CNTN3: variants seen among roughly 807,000 people sequenced by gnomAD.
CNTN3 encodes contactin-3.
In CNTN3, 60 loss-of-function variants were observed where a neutral mutation model predicts 119.1. The ratio of observed to expected loss-of-function variants is 0.50; its 90% CI spans 0.41 to 0.62. CNTN3 has a LOEUF of 0.62. Among genes scored for constraint, CNTN3 ranks in the 20% least tolerant of loss-of-function variants. The probability of loss-of-function intolerance (pLI) is 0.00; values close to 1 mark genes in which losing one functional copy is unlikely to be tolerated. For missense variants in CNTN3, 1,101 were observed against 1,242.4 expected (o/e 0.89, Z 1.71); for synonymous variants, 450 against 438.7 (o/e 1.03, Z -0.32).
intron 1 of CNTN3, among the ~76,000 whole-genome samples, chr3:74,561,331 C>T (rs1704150615): frequency 6.6e-6 from 1 of 152,098 alleles, no homozygotes; most frequent in Non-Finnish European, 1.5e-5. Flanking sequence ...GCTTAAATGT[C>T]TTCAATGGTT....
chr3:74,525,189 T>C (rs939213314), intron 1 of CNTN3, among the ~76,000 whole-genome samples: 10 of 151,834 alleles, frequency 6.6e-5, no homozygotes, highest in African/African-American at 1.9e-4. Context: ...CACCCACAAA[T>C]TCGTAGAAAT....
chr3:74,460,543 G>A (rs1220571690), intron 4 of CNTN3, among the ~76,000 whole-genome samples: 1 of 151,504 alleles, frequency 6.6e-6, no homozygotes, highest in East Asian at 1.9e-4. Flanking sequence ...TTTCCTTAAA[G>A]AAATTTGTAA....
intron 1 of CNTN3, among the ~76,000 whole-genome samples, chr3:74,595,024 G>A (rs1055276646): frequency 2.6e-5 from 4 of 152,200 alleles, no homozygotes; most frequent in African/African-American, 9.6e-5. Context: ...TTGTGGTTTT[G>A]ATTTGCATTT....
intron 5 of CNTN3, among the ~76,000 whole-genome samples, chr3:74,414,372 C>A (rs974771068): frequency 3.9e-5 from 6 of 152,184 alleles, no homozygotes; most frequent in Non-Finnish European, 8.8e-5. Flanking sequence ...ATAAAATTCA[C>A]CCACAAAAAT....
chr3:74,523,296 TATAG>T (rs1209521022), intron 1 of CNTN3, among the ~76,000 whole-genome samples: 6 of 151,782 alleles, frequency 4.0e-5, no homozygotes, highest in African/African-American at 7.2e-5. Context: ...TGCATACACA[TATAG>T]ATAGATAGAT....
Position 74,344,397 on chromosome 3 carries a change from GTTTTTTTTTTTTTTTTTTTTTTTTTTT to G in CNTN3, c.1365-7766_1365-7740del, listed in dbSNP as rs1156579949. On this transcript the variant is annotated intron_variant, in intron 11 of 22. Coordinates refer to ENST00000263665, the MANE Select transcript of CNTN3 (RefSeq NM_020872.3). Reference sequence around the variant, plus strand: ...AGTTCATTTACAACCTTACACAGTGGTTTTTTTTTTTTTTTTTTTTTTTTTTTTTTTTTTTTTTTTTTTTTTGAGACG... The same window carrying G: ...AGTTCATTTACAACCTTACACAGTGGTTTTTTTTTTTTTTTTTTTGAGACG... Among the ~76,000 whole-genome samples, 30 of 32,628 alleles carry G rather than the reference GTTTTTTTTTTTTTTTTTTTTTTTTTTT, an allele frequency of 9.2e-4. 1 individual carries two copies. The highest frequency in any genetic ancestry group is 2.5e-3 in the African/African-American group (29 of 11,822). 21.4% of individuals were successfully genotyped at this position (32,628 alleles called of 152,430 possible). A position where few individuals can be genotyped will look rare whatever the true frequency, so the allele number is the denominator to read the frequency against.
At chr3:74,417,601 A>G (rs1040900110) in intron 5 of CNTN3, among the ~76,000 whole-genome samples, 1 of 152,188 alleles carries the variant, frequency 6.6e-6, no homozygotes, top group African/African-American at 2.4e-5. Context: ...AGGCAGGCTC[A>G]ATTAATATTT....
In CNTN3 at chr3:74,488,261, C is replaced by T. The variant is rs1449108522; in HGVS notation, c.183-1630G>A. ...CAGAGTAGCTGGGACTACAGGCGCC[C>T]GACACCACGCCTGGCTAATTTTTTT... On this transcript the variant is annotated intron_variant, in intron 3 of 22. Coordinates refer to ENST00000263665, the MANE Select transcript of CNTN3 (RefSeq NM_020872.3). Among the ~76,000 whole-genome samples, 12 of 151,918 alleles carry T rather than the reference C, an allele frequency of 7.9e-5. No homozygotes were observed. The East Asian group carries it at 1.6e-3, about 20-fold the overall frequency.
At chr3:74,512,081 A>ATTT (rs1703375798) in intron 2 of CNTN3, among the ~76,000 whole-genome samples, 1 of 152,126 alleles carries the variant, frequency 6.6e-6, no homozygotes, top group Non-Finnish European at 1.5e-5. Flanking sequence ...TTTGATGCAA[A>ATTT]GATAAGCAGT....
intron 1 of CNTN3, among the ~76,000 whole-genome samples, chr3:74,610,336 G>A (rs4554003): frequency 0.12 from 18,330 of 149,400 alleles, 1,235 homozygotes; most frequent in East Asian, 0.24. Context: ...AAACAAAAAT[G>A]AAAAAAAAAA....
intron 18 of CNTN3, 102 bp downstream of exon 18, chr3:74,297,855 T>C: frequency 1.2e-6 from 1 of 825,536 alleles, no homozygotes; most frequent in East Asian, 2.6e-5. Flanking sequence ...GATTGTTCTT[T>C]GGAATAAATA....
intron 16 of CNTN3, among the ~76,000 whole-genome samples, chr3:74,300,299 T>C (rs1702429214): frequency 6.6e-6 from 1 of 152,220 alleles, no homozygotes; most frequent in African/African-American, 2.4e-5. Context: ...CTATTCCAAG[T>C]AGAATATAAT....
intron 8 of CNTN3, 90 bp from the exon 9 acceptor site, chr3:74,365,792 T>C: frequency 7.1e-7 from 1 of 1,406,314 alleles, no homozygotes; most frequent in Non-Finnish European, 9.6e-7. Context: ...CCTGGATTAA[T>C]AGAAATGGAC....
intron 4 of CNTN3, among the ~76,000 whole-genome samples, chr3:74,455,358 T>A (rs1702247717): frequency 6.6e-6 from 1 of 152,026 alleles, no homozygotes. Context: ...CTCCATCAGC[T>A]CCTTTAAGCA....
chr3:74,385,653 G>A (rs539754389), intron 5 of CNTN3, among the ~76,000 whole-genome samples: 11 of 152,300 alleles, frequency 7.2e-5, no homozygotes, highest in African/African-American at 2.4e-4. Context: ...AGGGTTGCAC[G>A]AGACAGCTCT....
At chr3:74,583,287 A>G (rs973188589) in intron 1 of CNTN3, among the ~76,000 whole-genome samples, 3 of 152,158 alleles carry the variant, frequency 2.0e-5, no homozygotes, top group African/African-American at 7.2e-5. Flanking sequence ...TCAAACAATA[A>G]TAACTCGAGT....
At chr3:74,499,910 A>T in intron 2 of CNTN3, 125 bp from the exon 3 acceptor site, 3 of 861,826 alleles carry the variant, frequency 3.5e-6, no homozygotes, top group Non-Finnish European at 5.1e-6. Flanking sequence ...ATACAAAGCA[A>T]AATGCTCTGT....
intron 1 of CNTN3, among the ~76,000 whole-genome samples, chr3:74,585,452 G>T (rs552094985): frequency 1.3e-5 from 2 of 152,100 alleles, no homozygotes; most frequent in Non-Finnish European, 2.9e-5. Flanking sequence ...ACATTTGTGG[G>T]CTTAAATTGC....
At chr3:74,268,637 G>C (rs1701709021) in intron 20 of CNTN3, among the ~76,000 whole-genome samples, 1 of 152,154 alleles carries the variant, frequency 6.6e-6, no homozygotes, top group Non-Finnish European at 1.5e-5. Flanking sequence ...GTTTAGGTCA[G>C]CTAAGATTGT....
Sources: allele counts gnomAD v4.1 joint callset (sites outside exome capture counted in the v4.1 genomes callset), GRCh38; gene constraint gnomAD v4.1.1; transcripts MANE v1.5; gene names NCBI Gene and HGNC (gene_info 2026-07-23, HGNC 2026-07-21).